EFCAB6: variants seen among roughly 807,000 people sequenced by gnomAD.
EFCAB6 encodes EF-hand calcium binding domain 6, also known as EF-hand calcium-binding domain-containing protein 6.
EFCAB6 carries 156 observed loss-of-function variants against 169.8 expected under a neutral mutation model. The observed-to-expected ratio is 0.92, with a 90% confidence interval of 0.81 to 1.05. The LOEUF is 1.05. EFCAB6 is among the 50% of genes least tolerant of loss of function. EFCAB6 has a pLI of 0.00. For synonymous variants in EFCAB6, 698 were observed against 676.4 expected, an observed-to-expected ratio of 1.03 and a Z score of -0.50; for missense variants, 1,800 against 1,829.1, an observed-to-expected ratio of 0.98 and a Z score of 0.29.
At chr22:43,718,344 T>G (rs1432828193) in intron 8 of EFCAB6, among the ~76,000 whole-genome samples, 3 of 152,192 alleles carry the variant, frequency 2.0e-5, no homozygotes, top group East Asian at 3.8e-4. Context: ...CAAATACGCT[T>G]CAGCCAAATT....
intron 24 of EFCAB6, among the ~76,000 whole-genome samples, chr22:43,586,172 A>T (rs2051050622): frequency 6.6e-6 from 1 of 152,084 alleles, no homozygotes; most frequent in Admixed American, 6.5e-5. Flanking sequence ...TGGGTGATTA[A>T]AAGCACACGG....
intron 17 of EFCAB6, among the ~76,000 whole-genome samples, chr22:43,665,713 A>G (rs1259881802): frequency 2.0e-5 from 3 of 152,208 alleles, no homozygotes; most frequent in East Asian, 1.9e-4. Flanking sequence ...AAAATCATCA[A>G]TGACTGGTTA....
At chr22:43,633,621 G>C (rs545311840) in intron 18 of EFCAB6, among the ~76,000 whole-genome samples, 39 of 152,300 alleles carry the variant, frequency 2.6e-4, no homozygotes, top group African/African-American at 9.4e-4. Flanking sequence ...CATTAGGCTG[G>C]GGTCATCTGA....
chr22:43,729,377 G>A lies in EFCAB6; in HGVS notation c.757+2322C>T, dbSNP rs556735224. On this transcript the variant is annotated intron_variant, in intron 8 of 31. Transcript: ENST00000262726. ...CTCCCAAAGTGCTGGGATTACAGGC[G>A]TGAGCCACCATGCCTGGCCTGGGGA... Among the ~76,000 whole-genome samples, 29 of 152,224 alleles carry A rather than the reference G, an allele frequency of 1.9e-4. No homozygotes were observed. The East Asian group carries it at 4.2e-3, about 22-fold the overall frequency.
intron 8 of EFCAB6, among the ~76,000 whole-genome samples, chr22:43,720,836 A>T (rs921203000): frequency 2.6e-5 from 4 of 152,106 alleles, no homozygotes; most frequent in African/African-American, 9.7e-5. Context: ...AAAATACTAA[A>T]AATCACAATT....
At chr22:43,541,282 A>AT (rs1360811947) in intron 27 of EFCAB6, among the ~76,000 whole-genome samples, 2 of 152,192 alleles carry the variant, frequency 1.3e-5, no homozygotes, top group Non-Finnish European at 2.9e-5. Context: ...CTTGGGCTTG[A>AT]TTTGAATCCT....
chr22:43,628,215 A>G lies in EFCAB6; in HGVS notation c.2233-1536T>C, dbSNP rs1162641176. On this transcript the variant is annotated intron_variant, in intron 19 of 31. Coordinates refer to ENST00000262726, the MANE Select transcript of EFCAB6 (RefSeq NM_022785.4). This position sits in a 1 kb window ranked among gnomAD's most constrained non-coding sequence, Gnocchi z 4.8. ...CACCCTACTCCTCCTAAGTCTTCCC[A>G]TCTCAGTAAGTGGAGCTCTTTCCTC... Among the ~76,000 whole-genome samples the G allele has an allele frequency of 6.6e-6, 1 of 151,912 alleles. No individual in the cohort carries two copies. Among genetic ancestry groups the G allele is most frequent in the African/African-American group, 2.4e-5 (1 of 41,352 alleles).
At chr22:43,760,765 T>A (rs1341972531) in intron 5 of EFCAB6, among the ~76,000 whole-genome samples, 1 of 151,982 alleles carries the variant, frequency 6.6e-6, no homozygotes, top group Non-Finnish European at 1.5e-5. Context: ...TTCAAGTGAT[T>A]CTCCTGCCTC....
At chr22:43,634,689 G>A (rs1168650498) in intron 18 of EFCAB6, among the ~76,000 whole-genome samples, 1 of 151,940 alleles carries the variant, frequency 6.6e-6, no homozygotes, top group African/African-American at 2.4e-5. Flanking sequence ...CCTGGGGGTG[G>A]GGCTGGGTGG....
chr22:43,639,101 C>T (rs1056968365), intron 17 of EFCAB6, among the ~76,000 whole-genome samples: 1 of 152,172 alleles, frequency 6.6e-6, no homozygotes. Context: ...TGTTTCACAT[C>T]TAAATATGTT....
chr22:43,613,435 A>G (rs1007321034), intron 21 of EFCAB6, among the ~76,000 whole-genome samples: 1 of 152,166 alleles, frequency 6.6e-6, no homozygotes, highest in African/African-American at 2.4e-5. Context: ...AAGTCATACA[A>G]AAGAATAAGA....
intron 30 of EFCAB6, chr22:43,531,991 C>T (rs564146366): frequency 6.6e-6 from 1 of 152,398 alleles, no homozygotes; most frequent in Admixed American, 6.5e-5. Context: ...TGCAGGGAGA[C>T]ATTTGACCTG....
At chr22:43,737,862 C>A (rs1408420390) in intron 6 of EFCAB6, among the ~76,000 whole-genome samples, 1 of 151,334 alleles carries the variant, frequency 6.6e-6, no homozygotes, top group Non-Finnish European at 1.5e-5. Context: ...CACATACATA[C>A]ATGCACATAT....
chr22:43,590,263 A>G, intron 23 of EFCAB6, 34 bp from the exon 24 acceptor site: 1 of 1,594,772 alleles, frequency 6.3e-7, no homozygotes, highest in Non-Finnish European at 8.5e-7. Flanking sequence ...ATACCCTAAA[A>G]TCAGGAAAAC....
intron 21 of EFCAB6, among the ~76,000 whole-genome samples, chr22:43,613,056 G>A (rs1412652886): frequency 2.7e-5 from 4 of 149,476 alleles, no homozygotes; most frequent in African/African-American, 9.8e-5. Flanking sequence ...ATTCGACCCA[G>A]CAATCCCATT....
At position 43,755,685 on chromosome 22, in the gene EFCAB6, T is replaced by C. The variant is rs1181371646; in HGVS notation, c.507+81A>G. 1.0e-5 allele frequency: 13 copies of C among 1,300,232 alleles called. No individual in the cohort carries two copies. The Middle Eastern group carries it at 5.7e-4, about 57-fold the overall frequency. The allele number at this position is 1,300,232 out of a possible 1,614,324, so 80.5% of individuals were successfully genotyped here. A position where few individuals can be genotyped will look rare whatever the true frequency, so the allele number is the denominator to read the frequency against. On this transcript the variant is annotated intron_variant, in intron 6 of 31. Coordinates refer to ENST00000262726, the MANE Select transcript of EFCAB6 (RefSeq NM_022785.4). ...CTCGGATGACAAGGTGTGGCTCATT[T>C]TCTATCATCTACCTCCACTAACAAT...
At chr22:43,581,843 C>A (rs1036214091) in intron 24 of EFCAB6, among the ~76,000 whole-genome samples, 5 of 152,160 alleles carry the variant, frequency 3.3e-5, no homozygotes, top group African/African-American at 1.2e-4. Context: ...AGGAAAAGGA[C>A]AATCAACACT....
At chr22:43,587,438 C>T (rs1410802579) in intron 24 of EFCAB6, among the ~76,000 whole-genome samples, 1 of 152,216 alleles carries the variant, frequency 6.6e-6, no homozygotes, top group Non-Finnish European at 1.5e-5. Flanking sequence ...AAAATGAGTT[C>T]CCTGTTGTTG....
At chr22:43,781,459 G>A (rs549685415) in intron 3 of EFCAB6, among the ~76,000 whole-genome samples, 6 of 152,218 alleles carry the variant, frequency 3.9e-5, no homozygotes, top group South Asian at 4.2e-4. Context: ...AAGTAGCTGC[G>A]ACTCTAGGCA....
Sources: allele counts gnomAD v4.1 joint callset (sites outside exome capture counted in the v4.1 genomes callset), GRCh38; gene constraint gnomAD v4.1.1; non-coding constraint Gnocchi (gnomAD v3.1); transcripts MANE v1.5; gene names NCBI Gene and HGNC (gene_info 2026-07-23, HGNC 2026-07-21).